The following STK10 variants were observed in gnomAD, a reference collection of about 807,000 sequenced individuals.
The protein encoded by STK10 is serine/threonine kinase 10, also known as serine/threonine-protein kinase 10.
Under a neutral mutation model 113.8 loss-of-function variants are expected in STK10, and 78 were observed. The observed-to-expected ratio is 0.69, with a 90% CI of 0.57 to 0.83. The LOEUF is 0.83. Among genes scored for constraint, STK10 ranks in the 40% least tolerant of loss-of-function variants. The pLI is 0.00. For missense variants in STK10, 1,109 were observed against 1,280.1 expected, an observed-to-expected ratio of 0.87 and a Z score of 2.04; for synonymous variants, 465 against 494.7, an observed-to-expected ratio of 0.94 and a Z score of 0.80.
At chr5:172,186,691 T>C (rs1770959492) in intron 1 of STK10, among the ~76,000 whole-genome samples, 1 of 152,118 alleles carries the variant, frequency 6.6e-6, no homozygotes, top group South Asian at 2.1e-4. Context: ...CTCAAACCTA[T>C]TTGCTTAGGA....
At chr5:172,140,969 G>A (rs2113801004) in intron 2 of STK10, among the ~76,000 whole-genome samples, 1 of 152,214 alleles carries the variant, frequency 6.6e-6, no homozygotes, top group East Asian at 1.9e-4. Context: ...AGACAATATG[G>A]ATGAACCCTG....
Position 172,187,758 on chromosome 5 carries a change from G to A in STK10, c.156+129C>T, listed in dbSNP as rs923731027. Reference sequence around the variant, plus strand: ...AAAAACAAGAGTCATCGGGATGAGGGCCAGGGACCCCGAATTCAGCGCCGG... The same window carrying A: ...AAAAACAAGAGTCATCGGGATGAGGACCAGGGACCCCGAATTCAGCGCCGG... On this transcript the variant is annotated intron_variant, in intron 1 of 18. Coordinates refer to ENST00000176763, the MANE Select transcript of STK10 (RefSeq NM_005990.4). The surrounding 1 kb of genome is among the most constrained non-coding windows in gnomAD (Gnocchi z 4.6). 12 of 1,375,502 alleles carry A rather than the reference G, an allele frequency of 8.7e-6. No individual in the cohort carries two copies. Among genetic ancestry groups the A allele is most frequent in the Non-Finnish European group, 9.8e-6 (10 of 1,017,782 alleles). The allele number at this position is 1,375,502 out of a possible 1,614,324, so 85.2% of individuals were successfully genotyped here.
intron 3 of STK10, among the ~76,000 whole-genome samples, chr5:172,118,311 A>G (rs11953939): frequency 0.017 from 2,557 of 152,286 alleles, 68 homozygotes; most frequent in African/African-American, 0.057. Context: ...GTGTCTGCAG[A>G]CACTGAGAGG....
chr5:172,178,012 C>G (rs7708278), intron 1 of STK10, among the ~76,000 whole-genome samples: 65,786 of 151,866 alleles, frequency 0.43, 17,091 homozygotes, highest in African/African-American at 0.74. Flanking sequence ...ATTTTTAGTA[C>G]AGATGAAGTT....
chr5:172,088,280 CT>C (rs1203686770), intron 10 of STK10, among the ~76,000 whole-genome samples: 2 of 151,988 alleles, frequency 1.3e-5, no homozygotes, highest in African/African-American at 4.8e-5. Context: ...AATTCCAGCA[CT>C]TTGGGAGGCC....
chr5:172,178,907 G>A (rs912622833), intron 1 of STK10, among the ~76,000 whole-genome samples: 2 of 152,186 alleles, frequency 1.3e-5, no homozygotes, highest in Non-Finnish European at 2.9e-5. Context: ...ACTGCAAGGA[G>A]GTGTTCTGGC....
chr5:172,127,311 A>G (rs1581169050), intron 3 of STK10, 62 bp downstream of exon 3: 1 of 1,590,736 alleles, frequency 6.3e-7, no homozygotes, highest in Non-Finnish European at 8.6e-7. Context: ...TCCAGCAGTC[A>G]GGCTTAGGAC....
At chr5:172,092,472 G>A (rs10038459) in intron 9 of STK10, 22,674 of 151,890 alleles carry the variant, frequency 0.15, 1,840 homozygotes, top group African/African-American at 0.21. Context: ...GCAGGATGCC[G>A]GTCCTAAGGA....
rs375820809 is a variant in STK10 at position 172,093,720 on chromosome 5, C to G, written c.1246G>C (p.Val416Leu). ...ACCTGAATTCTGGCATCCATTGACACGGGTCGGGACTTCCGCAGGGGCACA... is the reference window on the plus strand; with the variant it reads ...ACCTGAATTCTGGCATCCATTGACAGGGGTCGGGACTTCCGCAGGGGCACA... Reference protein sequence around the residue: ...VPVPLRKSRPVSMDARIQVAQ... With the variant: ...VPVPLRKSRPLSMDARIQVAQ... The change falls in exon 9 of 19, where the codon GTG (valine) becomes CTG (leucine). Residue 416 changes from valine (V) to leucine (L), a missense_variant. By Grantham distance (32) the Val-to-Leu change is conservative (BLOSUM62 1). This residue lies in a region of STK10 where 885 missense variants were observed against 991.1 expected (regional missense o/e 0.89). Coordinates refer to ENST00000176763, the MANE Select transcript of STK10 (RefSeq NM_005990.4). This position sits in a 1 kb window ranked among gnomAD's most constrained non-coding sequence, Gnocchi z 4.1. 2 of 1,613,950 alleles carry G rather than the reference C, an allele frequency of 1.2e-6. No homozygotes were observed. Among genetic ancestry groups the G allele is most frequent in the Non-Finnish European group, 1.7e-6 (2 of 1,179,910 alleles).
At chr5:172,125,712 C>T (rs1007472002) in intron 3 of STK10, among the ~76,000 whole-genome samples, 2 of 152,182 alleles carry the variant, frequency 1.3e-5, no homozygotes, top group African/African-American at 4.8e-5. Context: ...TACAGCTGTA[C>T]CACCATCTTT....
intron 8 of STK10, 64 bp downstream of exon 8, chr5:172,096,362 C>T: frequency 6.3e-7 from 1 of 1,591,148 alleles, no homozygotes; most frequent in South Asian, 1.1e-5. Context: ...CCTCCCACAC[C>T]AGCAGGGCCA....
chr5:172,086,400 GAGA>G (rs1216643547), intron 10 of STK10, among the ~76,000 whole-genome samples: 5 of 152,168 alleles, frequency 3.3e-5, no homozygotes, highest in African/African-American at 1.2e-4. Context: ...CTAAGGTTTA[GAGA>G]AGAACTGACA....
At position 172,057,452 on chromosome 5, in the gene STK10, T is replaced by C; in HGVS notation, c.2234A>G (p.Glu745Gly). 1 of 1,550,424 alleles carries C rather than the reference T, an allele frequency of 6.4e-7. No individual in the cohort carries two copies. Among genetic ancestry groups the C allele is most frequent in the Non-Finnish European group, 8.7e-7 (1 of 1,147,260 alleles). Residue 745 changes from glutamate to glycine, a missense_variant, in exon 15 of 19, where the codon GAG (glutamate) becomes GGG (glycine). Glu to Gly is a moderately conservative substitution (Grantham distance 98). Transcript: ENST00000176763. ...LLRDREAALW[E>G]MEEHQLQERH... Reference sequence around the variant, plus strand: ...CTCCTGCAGCTGGTGCTCTTCCATCTCCCACAGGGCTGCTTCCCGGTCTGC... The same window carrying C: ...CTCCTGCAGCTGGTGCTCTTCCATCCCCCACAGGGCTGCTTCCCGGTCTGC...
intron 1 of STK10, among the ~76,000 whole-genome samples, chr5:172,184,658 G>C (rs1233819150): frequency 6.6e-6 from 1 of 151,860 alleles, no homozygotes. Context: ...TGTTTTTATT[G>C]TTGTTGTTTT....
chr5:172,102,410 G>A (rs1190127999), intron 7 of STK10, among the ~76,000 whole-genome samples: 6 of 152,198 alleles, frequency 3.9e-5, no homozygotes, highest in East Asian at 3.8e-4. Context: ...AGTGCTCAGC[G>A]TTCAGTGTGA....
intron 7 of STK10, among the ~76,000 whole-genome samples, chr5:172,102,669 T>A (rs1769016745): frequency 6.6e-6 from 1 of 152,104 alleles, no homozygotes; most frequent in South Asian, 2.1e-4. Flanking sequence ...GTTGATGTGT[T>A]CAGTGAGACC....
rs58823824 is a variant in STK10, at chr5:172,078,619, TAAAAAAAAAAA to T, written c.1989+3696_1989+3706del. ...TGCCACTGCATTCCAGCCTCATCAT[TAAAAAAAAAAA>T]AAAAAAAAAAAAAAAAAAAGCCAAA... On this transcript the variant is annotated intron_variant, in intron 12 of 18. Transcript: ENST00000176763. 9.6e-3 allele frequency among the ~76,000 whole-genome samples: 698 copies of T among 72,822 alleles called. 1 individual carries two copies. Among genetic ancestry groups the T allele is most frequent in the Non-Finnish European group, 0.013 (410 of 31,726 alleles). The allele number at this position is 72,822 out of a possible 152,430, so 47.8% of individuals were successfully genotyped here.
chr5:172,104,343 T>C (rs6868347), intron 7 of STK10, among the ~76,000 whole-genome samples: 127,355 of 152,200 alleles, frequency 0.84, 53,422 homozygotes, highest in East Asian at 0.97. Flanking sequence ...CAGAACACTG[T>C]TGTGGACACA....
At chr5:172,057,585 G>A (rs552760852) in intron 14 of STK10, 112 bp from the exon 15 acceptor site, 11 of 1,455,424 alleles carry the variant, frequency 7.6e-6, no homozygotes, top group Non-Finnish European at 1.0e-5. Flanking sequence ...TAACCAACCT[G>A]CTGGGCTCAG....
Sources: gnomAD v4.1 joint callset for allele counts (sites outside exome capture counted in the v4.1 genomes callset) on GRCh38, gnomAD v4.1.1 for gene constraint, gnomAD v4.1.1 regional missense constraint, Gnocchi (gnomAD v3.1) non-coding constraint, MANE v1.5 for transcripts, NCBI Gene and HGNC (gene_info 2026-07-23, HGNC 2026-07-21) for gene names.